The following SLC38A2 variants were observed in gnomAD, a reference collection of about 807,000 sequenced individuals.
SLC38A2 encodes the protein sodium-coupled neutral amino acid symporter 2.
SLC38A2 carries 11 observed loss-of-function variants against 61.5 expected under a neutral mutation model. That is an observed-to-expected ratio of 0.18 (90% confidence interval 0.11 to 0.30). SLC38A2 has a LOEUF of 0.30. Among genes scored for constraint, SLC38A2 ranks in the 10% least tolerant of loss-of-function variants. SLC38A2 has a pLI of 1.00. For missense variants in SLC38A2, 522 were observed against 600.4 expected (o/e 0.87, Z 1.36); for synonymous variants, 217 against 212.5 (o/e 1.02, Z -0.18).
intron 1 of SLC38A2, among the ~76,000 whole-genome samples, chr12:46,371,930 G>A (rs1348986736): frequency 6.6e-6 from 1 of 152,182 alleles, no homozygotes; most frequent in East Asian, 1.9e-4. Flanking sequence ...GCGAACGCCC[G>A]GGCCCCGGGA....
In SLC38A2 at chr12:46,359,504, A is replaced by G. The variant is rs529153248; in HGVS notation, c.*1607T>C. 2 of 152,758 alleles carry G rather than the reference A, an allele frequency of 1.3e-5. No individual in the cohort carries two copies. Among genetic ancestry groups the G allele is most frequent in the East Asian group, 3.9e-4 (2 of 5,190 alleles). The allele number at this position is 152,758 out of a possible 1,614,324, so 9.5% of individuals were successfully genotyped here. A position where few individuals can be genotyped will look rare whatever the true frequency, so the allele number is the denominator to read the frequency against. ...ACATTTCTGGCCCTTGCCCCAAACA[A>G]CATTTTTAGTTCAAGGGCAAACCTT... On this transcript the variant is annotated 3_prime_UTR_variant, in exon 16 of 16. Transcript: ENST00000256689.
At position 46,362,382 on chromosome 12, in the gene SLC38A2, C is replaced by A. The variant is rs1275105288; in HGVS notation, c.1325-1G>T. On this transcript the variant is annotated splice_acceptor_variant, in intron 14 of 15. Transcript: ENST00000256689. LOFTEE classifies it high-confidence loss of function. ...ATCAACATAGAAGCTGCAGATGCAC[C>A]TGTAAAACAACATTTATGTTTCTTG... 6.2e-7 allele frequency: 1 copy of A among 1,607,476 alleles called. No homozygotes were observed. The highest frequency in any genetic ancestry group is 1.7e-5 in the Admixed American group (1 of 58,596).
chr12:46,365,025 T>G, intron 8 of SLC38A2, 82 bp downstream of exon 8: 1 of 1,280,170 alleles, frequency 7.8e-7, no homozygotes, highest in East Asian at 2.3e-5. Flanking sequence ...GCTTTTTCAT[T>G]CTGATTAATT....
rs1268805707 is a variant in SLC38A2 at position 46,362,570 on chromosome 12, A to G, written c.1248T>C (p.Ile416=). 3 of 1,602,274 alleles carry G rather than the reference A, an allele frequency of 1.9e-6. No homozygotes were observed. Among genetic ancestry groups the G allele is most frequent in the Non-Finnish European group, 2.5e-6 (3 of 1,177,256 alleles). The part of the protein sequence containing the change: ...KDFSWWRHSL[I]TVSILAFTNL... ...TGGTAAATGCCAAGATAGACACTGT[A>G]ATGAGACTATGACGCCACCAACTGA... Residue 416 remains isoleucine (I), a synonymous_variant, in exon 14 of 16, where the codon ATT becomes ATC. Transcript: ENST00000256689.
rs1943111806 is a variant in SLC38A2, at chr12:46,364,010, G to A, written c.874-7C>T. ...TTGGCACAGCATAGACAGTCTGAAA[G>A]AAAACGTAAAAATCTACTTAATCTG... is the stretch of plus-strand genomic sequence containing the variant. On this transcript the variant is annotated splice_polypyrimidine_tract_variant and splice_region_variant and intron_variant, in intron 10 of 15. Coordinates refer to ENST00000256689, the MANE Select transcript of SLC38A2 (RefSeq NM_018976.5). 1.3e-6 allele frequency: 2 copies of A among 1,599,168 alleles called. No individual in the cohort carries two copies. The highest frequency in any genetic ancestry group is 1.7e-4 in the Middle Eastern group (1 of 5,818).
intron 2 of SLC38A2, 97 bp from the exon 3 acceptor site, chr12:46,370,954 A>T: frequency 2.1e-6 from 2 of 946,896 alleles, no homozygotes; most frequent in Non-Finnish European, 3.2e-6. Flanking sequence ...CCAACAGCAT[A>T]GCTCTGATAC....
chr12:46,369,339 T>C (rs540448282), intron 4 of SLC38A2, among the ~76,000 whole-genome samples: 2 of 152,322 alleles, frequency 1.3e-5, no homozygotes, highest in African/African-American at 2.4e-5. Context: ...CTCATCCTAA[T>C]TGAAGCAAGC....
Position 46,358,314 on chromosome 12 carries a change from T to A in SLC38A2, c.*2797A>T, listed in dbSNP as rs147547705. 6.5e-6 allele frequency: 1 copy of A among 152,796 alleles called. No individual in the cohort carries two copies. The highest frequency in any genetic ancestry group is 2.4e-5 in the African/African-American group (1 of 41,584). 9.5% of individuals were successfully genotyped at this position (152,796 alleles called of 1,614,324 possible). A position where few individuals can be genotyped will look rare whatever the true frequency, so the allele number is the denominator to read the frequency against. On this transcript the variant is annotated 3_prime_UTR_variant, in exon 16 of 16. Transcript: ENST00000256689. ...TTGGCCTCTAACAGTACAGTGGGGA[T>A]ATTTACACTATATACACAAAGTTAA...
At chr12:46,368,810 C>T (rs1943165454) in intron 4 of SLC38A2, among the ~76,000 whole-genome samples, 1 of 152,152 alleles carries the variant, frequency 6.6e-6, no homozygotes, top group African/African-American at 2.4e-5. Context: ...TAAGTCCTTC[C>T]ATGTCTTATA....
intron 6 of SLC38A2, 42 bp downstream of exon 6, chr12:46,367,034 G>A (rs200853176): frequency 4.4e-6 from 7 of 1,604,836 alleles, no homozygotes; most frequent in Middle Eastern, 1.7e-4. Flanking sequence ...GCTCCACAAT[G>A]AGCATAAAGT....
At position 46,371,363 on chromosome 12, in the gene SLC38A2, G is replaced by A; in HGVS notation, c.-70C>T. The stretch of plus-strand genomic sequence containing the variant: ...CCTTTTGTCCTTGGCGGTGGGTGCA[G>A]CGGCCCGCGAGTCGGCCTGCGAAAG... On this transcript the variant is annotated 5_prime_UTR_variant, in exon 2 of 16. Coordinates refer to ENST00000256689, the MANE Select transcript of SLC38A2 (RefSeq NM_018976.5). 3 of 1,288,712 alleles carry A rather than the reference G, an allele frequency of 2.3e-6. 1 individual carries two copies. Among genetic ancestry groups the A allele is most frequent in the South Asian group, 2.4e-5 (2 of 82,774 alleles). 79.8% of individuals were successfully genotyped at this position (1,288,712 alleles called of 1,614,324 possible).
Position 46,363,778 on chromosome 12 carries a change from A to G in SLC38A2, c.1002T>C (p.Ala334=). The stretch of plus-strand genomic sequence containing the variant: ...CGGCAAGCAGATACATGAGAAACAT[A>G]GCAAAAAATGAAATCTTGGACACAT... ...MMNVSKISFF[A]MFLMYLLAAL... is the part of the protein sequence containing the mutation. The change falls in exon 12 of 16, where the codon GCT becomes GCC. Residue 334 remains alanine, a synonymous_variant. Transcript: ENST00000256689. The G allele has an allele frequency of 6.3e-7, 1 of 1,598,774 alleles. No individual in the cohort carries two copies. The highest frequency in any genetic ancestry group is 8.5e-7 in the Non-Finnish European group (1 of 1,175,328).
chr12:46,371,417 C>G, intron 1 of SLC38A2, 38 bp from the exon 2 acceptor site: 1 of 710,566 alleles, frequency 1.4e-6, no homozygotes, highest in Non-Finnish European at 2.3e-6. Flanking sequence ...ACCGCAGCGC[C>G]AGCCCGCCGC....
intron 7 of SLC38A2, 170 bp from the exon 8 acceptor site, chr12:46,365,359 G>A (rs1943129076): frequency 3.2e-6 from 2 of 634,294 alleles, no homozygotes; most frequent in Non-Finnish European, 5.6e-6. Context: ...TTAATTTTGT[G>A]TGCTAGATGA....
At position 46,359,182 on chromosome 12, in the gene SLC38A2, A is replaced by C. The variant is rs1056489837; in HGVS notation, c.*1929T>G. 6.6e-6 allele frequency: 1 copy of C among 152,522 alleles called. No homozygotes were observed. The highest frequency in any genetic ancestry group is 2.4e-5 in the African/African-American group (1 of 41,416). The allele number at this position is 152,522 out of a possible 1,614,324, so 9.4% of individuals were successfully genotyped here. A position where few individuals can be genotyped will look rare whatever the true frequency, so the allele number is the denominator to read the frequency against. ...AGCAACTCTTTCCAGGAGCTCATGC[A>C]AATTTGCCAATTCTTGGTCTCAACT... On this transcript the variant is annotated 3_prime_UTR_variant, in exon 16 of 16. Transcript: ENST00000256689.
At position 46,362,876 on chromosome 12, in the gene SLC38A2, G is replaced by GT. The variant is rs1275548381; in HGVS notation, c.1179+144dup. ...CCAGGGTATTTTGAAAATATACACTGTATTTTTAAAAAGCCCCTTCAAAAC... is the reference window on the plus strand; with the variant it reads ...CCAGGGTATTTTGAAAATATACACTGTTATTTTTAAAAAGCCCCTTCAAAAC... On this transcript the variant is annotated intron_variant, in intron 13 of 15. Transcript: ENST00000256689. The GT allele has an allele frequency of 8.4e-6, 9 of 1,075,508 alleles. No homozygotes were observed. The Admixed American group carries it at 2.3e-4, about 28-fold the overall frequency. 66.6% of individuals were successfully genotyped at this position (1,075,508 alleles called of 1,614,324 possible).
In SLC38A2 at chr12:46,369,182, T is replaced by C. The variant is rs144439515; in HGVS notation, c.314+1330A>G. ...AACTACACTGGCTGCACTCTAAAACTGCCTCCAGTTTTTATACCAAGTGCT... is the reference window on the plus strand; with the variant it reads ...AACTACACTGGCTGCACTCTAAAACCGCCTCCAGTTTTTATACCAAGTGCT... On this transcript the variant is annotated intron_variant, in intron 4 of 15. Transcript: ENST00000256689. Among the ~76,000 whole-genome samples, 496 of 152,350 alleles carry C rather than the reference T, an allele frequency of 3.3e-3. 1 individual carries two copies. Among genetic ancestry groups the C allele is most frequent in the Non-Finnish European group, 5.8e-3 (396 of 68,018 alleles).
Position 46,360,924 on chromosome 12 carries a change from A to G in SLC38A2, c.*187T>C. 4 of 552,410 alleles carry G rather than the reference A, an allele frequency of 7.2e-6. No homozygotes were observed. The highest frequency in any genetic ancestry group is 9.2e-4 in the Middle Eastern group (2 of 2,184). 34.2% of individuals were successfully genotyped at this position (552,410 alleles called of 1,614,324 possible). A position where few individuals can be genotyped will look rare whatever the true frequency, so the allele number is the denominator to read the frequency against. ...TGTTGTTCATATCCATTTCTAACAT[A>G]CAGATAAGTTTCTTAAAAAAACAAA... On this transcript the variant is annotated 3_prime_UTR_variant, in exon 16 of 16. Coordinates refer to ENST00000256689, the MANE Select transcript of SLC38A2 (RefSeq NM_018976.5).
Position 46,363,057 on chromosome 12 carries a change from C to G in SLC38A2, c.1143G>C (p.Met381Ile). 1 of 1,613,086 alleles carries G rather than the reference C, an allele frequency of 6.2e-7. No homozygotes were observed. ...CTACTGGTACTGTCAGGGTCACAGC[C>G]ATTAACACAGCCAGACGGACAATGA... ...LLLIVRLAVL[M>I]AVTLTVPVVI... The change falls in exon 13 of 16, where the codon ATG becomes ATC. Residue 381 changes from methionine to isoleucine, a missense_variant. By Grantham distance (10) the Met-to-Ile change is conservative. Coordinates refer to ENST00000256689, the MANE Select transcript of SLC38A2 (RefSeq NM_018976.5).
Sources: allele counts gnomAD v4.1 joint callset (sites outside exome capture counted in the v4.1 genomes callset), GRCh38; gene constraint gnomAD v4.1.1; transcripts MANE v1.5; gene names NCBI Gene and HGNC (gene_info 2026-07-23, HGNC 2026-07-21).